Variants in GOPC observed in about 807,000 individuals in gnomAD.
GOPC encodes the protein Golgi-associated PDZ and coiled-coil motif-containing protein.
Under a neutral mutation model 51.2 loss-of-function variants are expected in GOPC, and 32 were observed. The ratio of observed to expected loss-of-function variants is 0.63; its 90% CI spans 0.47 to 0.84. The LOEUF is 0.84. GOPC is among the 40% of genes least tolerant of loss of function. The probability of loss-of-function intolerance (pLI) is 0.00; values close to 1 mark genes in which losing one functional copy is unlikely to be tolerated. For synonymous variants in GOPC, 190 were observed against 205.1 expected, an observed-to-expected ratio of 0.93 and a Z score of 0.63; for missense variants, 441 against 555.5, an observed-to-expected ratio of 0.79 and a Z score of 2.07.
intron 1 of GOPC, among the ~76,000 whole-genome samples, chr6:117,585,502 T>G (rs1780017593): frequency 6.6e-6 from 1 of 152,148 alleles, no homozygotes; most frequent in Admixed American, 6.5e-5. Flanking sequence ...AGGTCCAAGC[T>G]AACAACCTAA....
At chr6:117,563,459 T>A in intron 8 of GOPC, 75 bp from the exon 9 acceptor site, 5 of 1,426,418 alleles carry the variant, frequency 3.5e-6, no homozygotes, top group Non-Finnish European at 3.9e-6. Flanking sequence ...CAGTGGCTCA[T>A]ACCTGTAATC....
chr6:117,593,014 T>C (rs1583064191), intron 1 of GOPC, among the ~76,000 whole-genome samples: 1 of 152,208 alleles, frequency 6.6e-6, no homozygotes, highest in East Asian at 1.9e-4. Context: ...CTCTCATTAC[T>C]GTGCCTGTAC....
intron 5 of GOPC, among the ~76,000 whole-genome samples, chr6:117,572,871 G>A (rs1779826351): frequency 6.6e-6 from 1 of 152,220 alleles, no homozygotes; most frequent in Non-Finnish European, 1.5e-5. Flanking sequence ...ACTAAGATAT[G>A]TGAACCCTTG....
intron 1 of GOPC, among the ~76,000 whole-genome samples, chr6:117,599,085 AT>A (rs973260924): frequency 3.3e-5 from 5 of 152,078 alleles, no homozygotes; most frequent in African/African-American, 9.7e-5. Context: ...GTAACCTATG[AT>A]TTTTTTGCAG....
At chr6:117,574,907 C>T (rs12203178) in intron 4 of GOPC, among the ~76,000 whole-genome samples, 36,577 of 151,784 alleles carry the variant, frequency 0.24, 4,873 homozygotes, top group East Asian at 0.33. Flanking sequence ...GGTGAAACCC[C>T]ATCTCTACTA....
At chr6:117,573,425 A>G (rs780110616) in intron 5 of GOPC, 42 bp downstream of exon 5, 1 of 1,578,064 alleles carries the variant, frequency 6.3e-7, no homozygotes, top group Admixed American at 1.8e-5. Flanking sequence ...TTAAAGAAAG[A>G]AAGAAGAGGC....
chr6:117,562,075 G>T lies in GOPC; in HGVS notation c.*1179C>A. On this transcript the variant is annotated 3_prime_UTR_variant, in exon 9 of 9. Transcript: ENST00000368498. ...CTCTTTAATGCAATGTTGTGACTTT[G>T]CCTAGCAGGTTACAATGACCTGCAG... The T allele has an allele frequency of 4.8e-6, 1 of 206,234 alleles. No individual in the cohort carries two copies. The highest frequency in any genetic ancestry group is 9.9e-6 in the Non-Finnish European group (1 of 100,906). 12.8% of individuals were successfully genotyped at this position (206,234 alleles called of 1,614,324 possible). A position where few individuals can be genotyped will look rare whatever the true frequency, so the allele number is the denominator to read the frequency against.
chr6:117,563,422 G>A lies in GOPC; in HGVS notation c.1259-38C>T, dbSNP rs1458788617. ...AGAAAAAAAAAGCAGACACTTTCTG[G>A]TTTAAAAAGTTGGTTTTGGTCAGGT... On this transcript the variant is annotated intron_variant, in intron 8 of 8. Coordinates refer to ENST00000368498, the MANE Select transcript of GOPC (RefSeq NM_020399.4). 1.9e-6 allele frequency: 3 copies of A among 1,606,990 alleles called. No individual in the cohort carries two copies. The South Asian group carries it at 3.3e-5, about 18-fold the overall frequency.
At chr6:117,598,147 C>G (rs1172257312) in intron 1 of GOPC, among the ~76,000 whole-genome samples, 1 of 150,234 alleles carries the variant, frequency 6.7e-6, no homozygotes, top group East Asian at 2.0e-4. Flanking sequence ...TCTCTTGAGC[C>G]CATGAGTTCA....
intron 4 of GOPC, 68 bp downstream of exon 4, chr6:117,575,109 T>A (rs1270762893): frequency 1.6e-6 from 2 of 1,216,728 alleles, no homozygotes; most frequent in Non-Finnish European, 2.3e-6. Flanking sequence ...AAGAAAGAAG[T>A]AAGAGTCAAC....
At chr6:117,566,777 G>T in intron 8 of GOPC, 77 bp downstream of exon 8, 1 of 910,254 alleles carries the variant, frequency 1.1e-6, no homozygotes, top group South Asian at 2.3e-5. Context: ...TTTTACTGAA[G>T]AAATTCTGAG....
Position 117,573,468 on chromosome 6 carries a change from T to C in GOPC, c.815A>G (p.His272Arg), listed in dbSNP as rs773863262. ...LKRPMQAPPG[H>R]DQDSLKKSQG... ...GAAGCAGCAGCAAAGCAAACATACA[T>C]GGCCTGGTGGTGCTTGCATTGGTCG... Residue 272 changes from histidine (H) to arginine (R), a missense_variant and splice_region_variant, in exon 5 of 9, where the codon CAT becomes CGT. Physicochemically the swap from His to Arg is conservative, Grantham distance 29. Around this residue, in one of 3 missense-constraint regions of GOPC, gnomAD observed 166 missense variants for 267.0 expected, o/e 0.62. Coordinates refer to ENST00000368498, the MANE Select transcript of GOPC (RefSeq NM_020399.4). 3 of 1,611,602 alleles carry C rather than the reference T, an allele frequency of 1.9e-6. No homozygotes were observed. Among genetic ancestry groups the C allele is most frequent in the South Asian group, 1.1e-5 (1 of 90,482 alleles).
chr6:117,573,757 G>T, intron 4 of GOPC, 125 bp from the exon 5 acceptor site: 1 of 678,210 alleles, frequency 1.5e-6, no homozygotes. Context: ...TAATACTCAC[G>T]AACTTCTTGA....
chr6:117,589,071 C>CA (rs557722714), intron 1 of GOPC, among the ~76,000 whole-genome samples: 101 of 152,190 alleles, frequency 6.6e-4, no homozygotes, highest in African/African-American at 2.3e-3. Flanking sequence ...ACAAATCACG[C>CA]AAAAAAATCT....
Position 117,560,299 on chromosome 6 carries a change from A to T in GOPC, c.*2955T>A, listed in dbSNP as rs551701420. The stretch of plus-strand genomic sequence containing the variant: ...CGTCAAGGAAACAAAATGTTTATTT[A>T]AAAAAATGAGATCAATATCATTTTA... On this transcript the variant is annotated 3_prime_UTR_variant, in exon 9 of 9. Coordinates refer to ENST00000368498, the MANE Select transcript of GOPC (RefSeq NM_020399.4). 18 of 175,056 alleles carry T rather than the reference A, an allele frequency of 1.0e-4. No individual in the cohort carries two copies. In the South Asian group the frequency reaches 3.4e-3, roughly 33 times the overall value. 10.8% of individuals were successfully genotyped at this position (175,056 alleles called of 1,614,324 possible). A position where few individuals can be genotyped will look rare whatever the true frequency, so the allele number is the denominator to read the frequency against.
chr6:117,601,987 C>G lies in GOPC; in HGVS notation c.285+17G>C. 6.2e-7 allele frequency: 1 copy of G among 1,611,660 alleles called. No homozygotes were observed. Among genetic ancestry groups the G allele is most frequent in the Admixed American group, 1.7e-5 (1 of 59,958 alleles). On this transcript the variant is annotated intron_variant, in intron 1 of 8. Transcript: ENST00000368498. ...GCCTGGGGTTGGATGCCATAGCCGC[C>G]AGCACCCACGGCTCACCTCCAGCTT...
At chr6:117,567,116 C>T (rs1264793266) in intron 7 of GOPC, 82 bp from the exon 8 acceptor site, 2 of 1,000,646 alleles carry the variant, frequency 2.0e-6, no homozygotes, top group Non-Finnish European at 2.8e-6. Context: ...TGTGGGAAGG[C>T]TTAGGGGTAG....
At chr6:117,582,273 TACACAC>T (rs71012364) in intron 1 of GOPC, among the ~76,000 whole-genome samples, 2,759 of 119,190 alleles carry the variant, frequency 0.023, 120 homozygotes, top group African/African-American at 0.086. Context: ...CCTCCCCCCC[TACACAC>T]ACACACACAC....
chr6:117,575,156 T>A, intron 4 of GOPC, 21 bp downstream of exon 4: 1 of 1,568,092 alleles, frequency 6.4e-7, no homozygotes, highest in Non-Finnish European at 8.7e-7. Flanking sequence ...AAGAGTACAA[T>A]AATACCCATT....
Sources: gnomAD v4.1 joint callset for allele counts (sites outside exome capture counted in the v4.1 genomes callset) on GRCh38, gnomAD v4.1.1 for gene constraint, gnomAD v4.1.1 regional missense constraint, MANE v1.5 for transcripts, NCBI Gene and HGNC (gene_info 2026-07-23, HGNC 2026-07-21) for gene names.